The following RABGAP1L variants were observed in gnomAD, a reference collection of about 807,000 sequenced individuals.
The protein encoded by RABGAP1L is RAB GTPase activating protein 1 like.
In RABGAP1L, 63 loss-of-function variants were observed where a neutral mutation model predicts 137.7. The observed-to-expected ratio is 0.46, with a 90% confidence interval of 0.37 to 0.56. The LOEUF is 0.56. Among genes scored for constraint, RABGAP1L ranks in the 20% least tolerant of loss-of-function variants. RABGAP1L has a pLI of 0.00. For synonymous variants in RABGAP1L, 431 were observed against 433.7 expected (o/e 0.99, Z 0.08); for missense variants, 1,095 against 1,244.0 (o/e 0.88, Z 1.80).
At chr1:174,380,580 G>A (rs1241023362) in intron 12 of RABGAP1L, among the ~76,000 whole-genome samples, 1 of 152,044 alleles carries the variant, frequency 6.6e-6, no homozygotes, top group African/African-American at 2.4e-5. Context: ...TTGCGTAGAG[G>A]TGTTTGTAGT....
chr1:174,187,217 C>T (rs1666869708), intron 1 of RABGAP1L, among the ~76,000 whole-genome samples: 1 of 151,862 alleles, frequency 6.6e-6, no homozygotes, highest in Non-Finnish European at 1.5e-5. Context: ...TAACCCCAAC[C>T]TCCCCACAAG....
intron 19 of RABGAP1L, among the ~76,000 whole-genome samples, chr1:174,904,816 T>G (rs541740770): frequency 2.0e-4 from 30 of 152,006 alleles, no homozygotes; most frequent in Non-Finnish European, 4.0e-4. Flanking sequence ...GCCCAGCTAA[T>G]TTTTAAAATT....
chr1:174,368,277 G>A (rs1684819034), intron 11 of RABGAP1L, among the ~76,000 whole-genome samples: 1 of 152,154 alleles, frequency 6.6e-6, no homozygotes, highest in African/African-American at 2.4e-5. Flanking sequence ...TGATAGTTCA[G>A]TTTCTTACTA....
intron 20 of RABGAP1L, among the ~76,000 whole-genome samples, chr1:174,967,268 A>G (rs1669713378): frequency 6.7e-6 from 1 of 148,302 alleles, no homozygotes; most frequent in Admixed American, 6.8e-5. Flanking sequence ...GGTTCAAGTG[A>G]TTCTCCAACC....
At chr1:174,397,253 T>C (rs1306059054) in intron 13 of RABGAP1L, among the ~76,000 whole-genome samples, 1 of 152,194 alleles carries the variant, frequency 6.6e-6, no homozygotes, top group Admixed American at 6.5e-5. Context: ...CCTCTGGAGT[T>C]CTAGCTGTGA....
At chr1:174,267,284 A>G (rs1196606063) in intron 7 of RABGAP1L, among the ~76,000 whole-genome samples, 2 of 152,198 alleles carry the variant, frequency 1.3e-5, no homozygotes, top group African/African-American at 4.8e-5. Context: ...AACAATGAAT[A>G]TTATGTCTGT....
chr1:174,336,476 T>C (rs1202197762), intron 11 of RABGAP1L, among the ~76,000 whole-genome samples: 2 of 152,192 alleles, frequency 1.3e-5, no homozygotes, highest in Non-Finnish European at 2.9e-5. Context: ...AGAAAAGAAA[T>C]GAACTTTTAA....
intron 19 of RABGAP1L, among the ~76,000 whole-genome samples, chr1:174,814,329 GT>G (rs1285903476): frequency 6.6e-6 from 1 of 152,072 alleles, no homozygotes; most frequent in Non-Finnish European, 1.5e-5. Flanking sequence ...AGTTTTAATA[GT>G]TTTTTGTGGG....
chr1:174,329,039 CA>C (rs59672024), intron 11 of RABGAP1L, among the ~76,000 whole-genome samples: 4,945 of 132,828 alleles, frequency 0.037, 113 homozygotes, highest in Non-Finnish European at 0.059. Flanking sequence ...CTTAAAAATA[CA>C]AAAAAAAAAA....
At chr1:174,922,803 C>A (rs942153438) in intron 19 of RABGAP1L, among the ~76,000 whole-genome samples, 2 of 152,220 alleles carry the variant, frequency 1.3e-5, no homozygotes, top group African/African-American at 2.4e-5. Flanking sequence ...TCTGTGCCAA[C>A]TACCAGCTGT....
chr1:174,958,216 C>A, intron 20 of RABGAP1L: 1 of 1,304,260 alleles, frequency 7.7e-7, no homozygotes, highest in Non-Finnish European at 1.0e-6. Flanking sequence ...ACATTTATTT[C>A]CACAAATGAA....
chr1:174,250,415 A>G, intron 5 of RABGAP1L, 60 bp from the exon 6 acceptor site: 2 of 1,310,348 alleles, frequency 1.5e-6, no homozygotes, highest in Non-Finnish European at 2.1e-6. Flanking sequence ...TTAGGAGAGA[A>G]GGATATCAGA....
chr1:174,860,290 G>A (rs1030574004), intron 19 of RABGAP1L, among the ~76,000 whole-genome samples: 2 of 151,994 alleles, frequency 1.3e-5, no homozygotes, highest in African/African-American at 4.8e-5. Flanking sequence ...GGAGACGGAG[G>A]TGGAAGGATA....
chr1:174,812,668 C>A (rs536798744), intron 19 of RABGAP1L, among the ~76,000 whole-genome samples: 1 of 151,730 alleles, frequency 6.6e-6, no homozygotes, highest in Non-Finnish European at 1.5e-5. Flanking sequence ...CAGAAGGAAA[C>A]AGACAATAAG....
At chr1:174,921,092 T>C (rs1237675465) in intron 19 of RABGAP1L, among the ~76,000 whole-genome samples, 1 of 152,084 alleles carries the variant, frequency 6.6e-6, no homozygotes, top group African/African-American at 2.4e-5. Flanking sequence ...CCAGCTAATT[T>C]TTGTATTTTT....
intron 14 of RABGAP1L, among the ~76,000 whole-genome samples, chr1:174,663,392 A>G (rs901436089): frequency 2.0e-5 from 3 of 152,232 alleles, no homozygotes; most frequent in Non-Finnish European, 4.4e-5. Flanking sequence ...ACTAAATAGT[A>G]TATACTGTAA....
intron 13 of RABGAP1L, among the ~76,000 whole-genome samples, chr1:174,597,276 A>G (rs1010506555): frequency 6.6e-6 from 1 of 152,200 alleles, no homozygotes; most frequent in Non-Finnish European, 1.5e-5. Context: ...TTTTTGGAAT[A>G]GTTTGAATAG....
At chr1:174,489,446 C>A (rs1166561808) in intron 13 of RABGAP1L, among the ~76,000 whole-genome samples, 3 of 152,106 alleles carry the variant, frequency 2.0e-5, no homozygotes, top group Admixed American at 6.5e-5. Context: ...CATCACTGGC[C>A]ATCAGAGAAA....
chr1:174,654,411 C>T lies in RABGAP1L; in HGVS notation c.1824+16923C>T, dbSNP rs563240951. Reference sequence around the variant, plus strand: ...CCCTAAAAGAGCATTCTATTTCTATCACTTACTTCTTCTGTGAAGTACTTT... The same window carrying T: ...CCCTAAAAGAGCATTCTATTTCTATTACTTACTTCTTCTGTGAAGTACTTT... On this transcript the variant is annotated intron_variant, in intron 14 of 25. Coordinates refer to ENST00000681986, the MANE Select transcript of RABGAP1L (RefSeq NM_001366446.1). 1.1e-4 allele frequency among the ~76,000 whole-genome samples: 17 copies of T among 152,270 alleles called. No homozygotes were observed. The South Asian group carries it at 1.7e-3, about 15-fold the overall frequency.
Sources: allele counts gnomAD v4.1 joint callset (sites outside exome capture counted in the v4.1 genomes callset), GRCh38; gene constraint gnomAD v4.1.1; transcripts MANE v1.5; gene names NCBI Gene and HGNC (gene_info 2026-07-23, HGNC 2026-07-21).